RSRC1: variants seen among roughly 807,000 people sequenced by gnomAD.
RSRC1 encodes arginine and serine rich coiled-coil 1.
RSRC1 carries 39 observed loss-of-function variants against 49.1 expected under a neutral mutation model. That is an observed-to-expected ratio of 0.79 (90% CI 0.61 to 1.04). The LOEUF is 1.04. Ranked by LOEUF, RSRC1 falls within the 50% of genes least tolerant of loss-of-function variation. RSRC1 has a pLI of 0.00. For synonymous variants in RSRC1, 143 were observed against 130.8 expected (o/e 1.09, Z -0.63); for missense variants, 388 against 402.4 (o/e 0.96, Z 0.31).
chr3:158,219,754 A>C (rs1722131199), intron 4 of RSRC1, among the ~76,000 whole-genome samples: 1 of 151,578 alleles, frequency 6.6e-6, no homozygotes, highest in Non-Finnish European at 1.5e-5. Flanking sequence ...GCCTTAATAA[A>C]GGTAGTGGCA....
At chr3:158,321,449 T>C (rs1238224117) in intron 5 of RSRC1, among the ~76,000 whole-genome samples, 1 of 152,076 alleles carries the variant, frequency 6.6e-6, no homozygotes, top group African/African-American at 2.4e-5. Context: ...ATTGGAATAT[T>C]TTATTTAAAA....
At chr3:158,443,627 G>A (rs1217383717) in intron 6 of RSRC1, among the ~76,000 whole-genome samples, 2 of 152,118 alleles carry the variant, frequency 1.3e-5, no homozygotes. Flanking sequence ...CAGCAATAAG[G>A]ATGTTTCACT....
At chr3:158,196,524 C>T (rs1304891281) in intron 3 of RSRC1, among the ~76,000 whole-genome samples, 1 of 152,146 alleles carries the variant, frequency 6.6e-6, no homozygotes, top group Non-Finnish European at 1.5e-5. Flanking sequence ...CTGGCCAGAA[C>T]TTCTAACACT....
chr3:158,530,333 G>T (rs1187002305), intron 7 of RSRC1, among the ~76,000 whole-genome samples: 1 of 151,658 alleles, frequency 6.6e-6, no homozygotes, highest in Non-Finnish European at 1.5e-5. Context: ...GATTTTTGTG[G>T]CTTGCTTTTT....
At chr3:158,467,157 C>T (rs1478838954) in intron 7 of RSRC1, among the ~76,000 whole-genome samples, 1 of 152,102 alleles carries the variant, frequency 6.6e-6, no homozygotes, top group Non-Finnish European at 1.5e-5. Flanking sequence ...ATCTTTCATC[C>T]CTTTAGTGAC....
At chr3:158,126,370 T>C (rs540838725) in intron 3 of RSRC1, among the ~76,000 whole-genome samples, 1 of 152,168 alleles carries the variant, frequency 6.6e-6, no homozygotes, top group Admixed American at 6.5e-5. Flanking sequence ...GATTTTATTT[T>C]GTATATGTTC....
chr3:158,144,648 C>G (rs1372614114), intron 3 of RSRC1, among the ~76,000 whole-genome samples: 4 of 152,034 alleles, frequency 2.6e-5, no homozygotes, highest in Non-Finnish European at 4.4e-5. Context: ...GGATATATAC[C>G]CAGTAATGGG....
intron 4 of RSRC1, among the ~76,000 whole-genome samples, chr3:158,252,778 T>C (rs1339024575): frequency 6.6e-6 from 1 of 152,196 alleles, no homozygotes; most frequent in Non-Finnish European, 1.5e-5. Flanking sequence ...TACTGGTCTA[T>C]TCACGTTTTG....
At chr3:158,459,413 C>T (rs1737505670) in intron 6 of RSRC1, among the ~76,000 whole-genome samples, 1 of 151,942 alleles carries the variant, frequency 6.6e-6, no homozygotes, top group South Asian at 2.1e-4. Context: ...TCTTGAAATC[C>T]ACCTGATGTT....
intron 7 of RSRC1, among the ~76,000 whole-genome samples, chr3:158,476,562 T>C (rs1334137918): frequency 6.6e-6 from 1 of 152,152 alleles, no homozygotes; most frequent in Non-Finnish European, 1.5e-5. Flanking sequence ...CCTGTGCCTG[T>C]CCTCTATAAA....
At chr3:158,452,338 T>G (rs368917227) in intron 6 of RSRC1, among the ~76,000 whole-genome samples, 12 of 152,296 alleles carry the variant, frequency 7.9e-5, no homozygotes, top group African/African-American at 2.6e-4. Context: ...AAAATAGTAC[T>G]TGTCAGCTTA....
chr3:158,119,136 C>G (rs1715072924), intron 1 of RSRC1, among the ~76,000 whole-genome samples: 1 of 152,136 alleles, frequency 6.6e-6, no homozygotes, highest in South Asian at 2.1e-4. Flanking sequence ...AATGGAGGGA[C>G]TCAGGGACAC....
intron 4 of RSRC1, among the ~76,000 whole-genome samples, chr3:158,222,087 A>G (rs957434553): frequency 4.6e-5 from 7 of 151,050 alleles, no homozygotes; most frequent in African/African-American, 1.7e-4. Flanking sequence ...ATTAATTGTA[A>G]ATAATAGTAA....
At position 158,147,818 on chromosome 3, in the gene RSRC1, G is replaced by A. The variant is rs1488135037; in HGVS notation, c.320+23827G>A. Among the ~76,000 whole-genome samples the A allele has an allele frequency of 2.6e-5, 4 of 152,060 alleles. No individual in the cohort carries two copies. In the East Asian group the frequency reaches 5.8e-4, roughly 22 times the overall value. On this transcript the variant is annotated intron_variant, in intron 3 of 9. Transcript: ENST00000611884. The stretch of plus-strand genomic sequence containing the variant: ...CTCATATTATAATCTGGCTGTGTAG[G>A]GAATCATACTAATTCTGTTTATGTA...
At chr3:158,157,239 A>G (rs1399944740) in intron 3 of RSRC1, among the ~76,000 whole-genome samples, 1 of 152,244 alleles carries the variant, frequency 6.6e-6, no homozygotes, top group Non-Finnish European at 1.5e-5. Context: ...AATCTAGTAC[A>G]TACTAAGGGC....
At chr3:158,505,389 T>C (rs749209389) in intron 7 of RSRC1, among the ~76,000 whole-genome samples, 7 of 152,188 alleles carry the variant, frequency 4.6e-5, no homozygotes, top group Non-Finnish European at 1.5e-5. Flanking sequence ...CTAGGATTAA[T>C]TTCATCAAGT....
intron 4 of RSRC1, among the ~76,000 whole-genome samples, chr3:158,217,540 C>A (rs1364688178): frequency 6.6e-6 from 1 of 151,536 alleles, no homozygotes. Context: ...AGGTTCCTCA[C>A]ATTAAATTAA....
At chr3:158,226,148 T>A (rs1035079464) in intron 4 of RSRC1, among the ~76,000 whole-genome samples, 1 of 151,894 alleles carries the variant, frequency 6.6e-6, no homozygotes, top group African/African-American at 2.4e-5. Flanking sequence ...TGGGTCTGGA[T>A]CTGAAAGGAC....
chr3:158,455,016 G>A (rs1037713135), intron 6 of RSRC1, among the ~76,000 whole-genome samples: 2 of 152,104 alleles, frequency 1.3e-5, no homozygotes, highest in Non-Finnish European at 2.9e-5. Flanking sequence ...ATACAAGGGA[G>A]GTACCATTGT....
Sources: gnomAD v4.1 joint callset for allele counts (sites outside exome capture counted in the v4.1 genomes callset) on GRCh38, gnomAD v4.1.1 for gene constraint, MANE v1.5 for transcripts, NCBI Gene and HGNC (gene_info 2026-07-23, HGNC 2026-07-21) for gene names.